ENPP3: variants seen among roughly 807,000 people sequenced by gnomAD.
ENPP3 encodes the protein ectonucleotide pyrophosphatase/phosphodiesterase family member 3.
ENPP3 carries 104 observed loss-of-function variants against 117.8 expected under a neutral mutation model. The ratio of observed to expected loss-of-function variants is 0.88; its 90% confidence interval spans 0.75 to 1.04. The LOEUF (loss-of-function observed/expected upper bound fraction) is 1.04, where lower values mean the gene tolerates loss of function less well. ENPP3 is among the 50% of genes least tolerant of loss of function. The pLI is 0.00. For missense variants in ENPP3, 1,026 were observed against 1,051.9 expected, an observed-to-expected ratio of 0.98 and a Z score of 0.34; for synonymous variants, 380 against 349.9, an observed-to-expected ratio of 1.09 and a Z score of -0.96.
intron 12 of ENPP3, 110 bp from the exon 13 acceptor site, chr6:131,685,254 A>G (rs960238888): frequency 1.0e-6 from 1 of 967,882 alleles, no homozygotes; most frequent in South Asian, 1.6e-5. Context: ...TTCTCAGTGA[A>G]GCTTAGTTTG....
At chr6:131,701,279 G>A (rs9483324) in intron 15 of ENPP3, 211,489 of 1,510,300 alleles carry the variant, frequency 0.14, 21,427 homozygotes, top group African/African-American at 0.45. Context: ...GTATGGTCCC[G>A]TTCCCCAGCA....
chr6:131,685,319 AT>A (rs1258947176), intron 12 of ENPP3, 44 bp from the exon 13 acceptor site: 1 of 1,524,838 alleles, frequency 6.6e-7, no homozygotes, highest in Non-Finnish European at 9.0e-7. Flanking sequence ...AACCGTTGCC[AT>A]TTATATACAT....
chr6:131,709,720 T>C (rs1779734970), intron 15 of ENPP3: 1 of 1,613,858 alleles, frequency 6.2e-7, no homozygotes, highest in African/African-American at 1.3e-5. Flanking sequence ...TAGCTTTCTA[T>C]AGGTCTCCAG....
At chr6:131,699,167 G>A (rs1779471771) in intron 15 of ENPP3, among the ~76,000 whole-genome samples, 5 of 147,830 alleles carry the variant, frequency 3.4e-5, no homozygotes, top group South Asian at 4.3e-4. Flanking sequence ...CAACCCAGGA[G>A]GCAGAGGTTG....
At chr6:131,721,106 A>G (rs1780010027) in intron 17 of ENPP3, among the ~76,000 whole-genome samples, 3 of 152,220 alleles carry the variant, frequency 2.0e-5, no homozygotes, top group African/African-American at 4.8e-5. Flanking sequence ...TTGTTATTAT[A>G]CTCAATGTTA....
chr6:131,639,366 A>G (rs1282152179), intron 1 of ENPP3, among the ~76,000 whole-genome samples: 1 of 148,992 alleles, frequency 6.7e-6, no homozygotes, highest in African/African-American at 2.5e-5. Context: ...GCAGCAACTC[A>G]GGCTCCAACT....
Position 131,700,918 on chromosome 6 carries a change from G to GT in ENPP3, c.1412+7295dup, listed in dbSNP as rs774646646. Reference sequence around the variant, plus strand: ...GGCCTACAGAAGGGTAAAGGTAGAAGTAACACAAGATGAATCAAGGATAAA... The same window carrying GT: ...GGCCTACAGAAGGGTAAAGGTAGAAGTTAACACAAGATGAATCAAGGATAAA... On this transcript the variant is annotated intron_variant, in intron 15 of 24. Coordinates refer to ENST00000357639, the MANE Select transcript of ENPP3 (RefSeq NM_005021.5). The GT allele has an allele frequency of 1.7e-5, 13 of 777,220 alleles. No individual in the cohort carries two copies. The South Asian group carries it at 2.1e-4, about 13-fold the overall frequency. The allele number at this position is 777,220 out of a possible 1,614,324, so 48.1% of individuals were successfully genotyped here.
chr6:131,643,939 G>GTGTC (rs1479323300), intron 2 of ENPP3, among the ~76,000 whole-genome samples: 1 of 139,396 alleles, frequency 7.2e-6, no homozygotes, highest in African/African-American at 3.1e-5. Flanking sequence ...GTGTGTGTGT[G>GTGTC]TGTCTGTGTG....
chr6:131,740,588 C>CAT (rs897877092), intron 24 of ENPP3, among the ~76,000 whole-genome samples: 3 of 152,102 alleles, frequency 2.0e-5, no homozygotes, highest in African/African-American at 7.2e-5. Flanking sequence ...CATAGTTGAA[C>CAT]ATATATATAC....
intron 23 of ENPP3, among the ~76,000 whole-genome samples, chr6:131,739,593 CTTTTTTT>C (rs71270397): frequency 4.6e-5 from 4 of 87,462 alleles, no homozygotes; most frequent in South Asian, 4.5e-4. Context: ...TCATGCTCTG[CTTTTTTT>C]TTTTTTTTTT....
chr6:131,740,444 T>C, intron 24 of ENPP3, 64 bp downstream of exon 24: 1 of 1,283,534 alleles, frequency 7.8e-7, no homozygotes, highest in Admixed American at 2.8e-5. Context: ...TGGGTTCTCA[T>C]AAAAGTGGCT....
intron 15 of ENPP3, among the ~76,000 whole-genome samples, chr6:131,717,910 G>A (rs1229118561): frequency 6.6e-6 from 1 of 152,054 alleles, no homozygotes; most frequent in Non-Finnish European, 1.5e-5. Context: ...CCTTACCATT[G>A]TGTTACAGCT....
At chr6:131,719,051 A>G (rs1779958173) in intron 16 of ENPP3, among the ~76,000 whole-genome samples, 1 of 152,158 alleles carries the variant, frequency 6.6e-6, no homozygotes, top group Admixed American at 6.6e-5. Flanking sequence ...ATTATTTGTT[A>G]TGTCAGAAGG....
rs771568003 is a variant in ENPP3 at position 131,733,636 on chromosome 6, G to A, written c.2002G>A (p.Asp668Asn). The A allele has an allele frequency of 6.2e-7, 1 of 1,614,124 alleles. No homozygotes were observed. The highest frequency in any genetic ancestry group is 2.2e-5 in the East Asian group (1 of 44,890). The change falls in exon 21 of 25, where the codon GAT becomes AAT. Residue 668 changes from aspartate to asparagine, a missense_variant. Physicochemically the swap from Asp to Asn is conservative, Grantham distance 23. Coordinates refer to ENST00000357639, the MANE Select transcript of ENPP3 (RefSeq NM_005021.5). The stretch of plus-strand genomic sequence containing the variant: ...CACTGTCCCAGACTGTCTGCGGGCT[G>A]ATGTCAGGGTTCCTCCTTCTGAGAG... Reference protein sequence around the residue: ...PPTVPDCLRADVRVPPSESQK... With the variant: ...PPTVPDCLRANVRVPPSESQK...
chr6:131,739,312 G>A (rs764335146), intron 23 of ENPP3, among the ~76,000 whole-genome samples: 4 of 151,994 alleles, frequency 2.6e-5, no homozygotes, highest in Non-Finnish European at 4.4e-5. Flanking sequence ...TTCGTTATCT[G>A]AAACCGAAGT....
intron 5 of ENPP3, among the ~76,000 whole-genome samples, chr6:131,656,477 T>A (rs1778386648): frequency 1.3e-5 from 2 of 152,020 alleles, no homozygotes; most frequent in Non-Finnish European, 1.5e-5. Flanking sequence ...CCTTTGAAAG[T>A]TTGTCGTAGG....
intron 14 of ENPP3, among the ~76,000 whole-genome samples, chr6:131,691,588 CAA>C (rs34849891): frequency 4.7e-5 from 4 of 85,140 alleles, no homozygotes; most frequent in Admixed American, 1.4e-4. Context: ...GACTCAGTCT[CAA>C]AAAAAAAAAA....
In ENPP3 at chr6:131,711,361, T is replaced by G. The variant is rs375171772; in HGVS notation, c.1413-7311T>G. ...TTAAAATTGCTGTCTTCTTCATGGA[T>G]TAAACCTTTGATCATTACATAATCT... On this transcript the variant is annotated intron_variant, in intron 15 of 24. Transcript: ENST00000357639. Among the ~76,000 whole-genome samples, 65 of 142,364 alleles carry G rather than the reference T, an allele frequency of 4.6e-4. 3 individuals carry two copies. In the East Asian group the frequency reaches 0.01, roughly 23 times the overall value. 93.4% of individuals were successfully genotyped at this position (142,364 alleles called of 152,430 possible). A position where few individuals can be genotyped will look rare whatever the true frequency, so the allele number is the denominator to read the frequency against.
chr6:131,640,378 C>T (rs1271477349), intron 1 of ENPP3, among the ~76,000 whole-genome samples: 1 of 152,164 alleles, frequency 6.6e-6, no homozygotes, highest in African/African-American at 2.4e-5. Flanking sequence ...ATCCTCTCCA[C>T]TGAATGAACA....
Sources: allele counts gnomAD v4.1 joint callset (sites outside exome capture counted in the v4.1 genomes callset), GRCh38; gene constraint gnomAD v4.1.1; transcripts MANE v1.5; gene names NCBI Gene and HGNC (gene_info 2026-07-23, HGNC 2026-07-21).